Variants in NUP62CL observed in about 807,000 individuals in gnomAD.
NUP62CL encodes nucleoporin 62 C-terminal like.
A neutral mutation model predicts 15.3 loss-of-function variants in NUP62CL; 13 were observed. The observed-to-expected ratio is 0.85, with a 90% confidence interval of 0.55 to 1.35. NUP62CL has a LOEUF of 1.35. Among genes scored for constraint, NUP62CL ranks in the 40% most tolerant of loss-of-function variants. The probability of loss-of-function intolerance (pLI) is 0.00; values close to 1 mark genes in which losing one functional copy is unlikely to be tolerated. For missense variants in NUP62CL, 123 were observed against 130.6 expected (o/e 0.94, Z 0.28); for synonymous variants, 54 against 49.2 (o/e 1.10, Z -0.41).
At chrX:107,163,677 G>C (rs901562816) in intron 4 of NUP62CL, among the ~76,000 whole-genome samples, 3 of 111,583 alleles carry the variant, frequency 2.7e-5, no homozygotes, top group Admixed American at 9.5e-5. Flanking sequence ...AATGTACCAT[G>C]CAAGGTTCAT....
At chrX:107,148,109 A>T (rs1033013021) in intron 7 of NUP62CL, among the ~76,000 whole-genome samples, 2 of 111,690 alleles carry the variant, frequency 1.8e-5, no homozygotes, top group Non-Finnish European at 3.8e-5. Context: ...ATGAATTCAC[A>T]TAAAAAAATT....
chrX:107,194,922 T>C (rs1198797680), intron 1 of NUP62CL, among the ~76,000 whole-genome samples: 1 of 103,034 alleles, frequency 9.7e-6, no homozygotes, highest in Non-Finnish European at 2.0e-5. Flanking sequence ...ATTCAAGCAA[T>C]TCTCCCGCCT....
At chrX:107,164,182 G>A (rs766064247) in intron 4 of NUP62CL, among the ~76,000 whole-genome samples, 5 of 111,571 alleles carry the variant, frequency 4.5e-5, no homozygotes, top group African/African-American at 1.6e-4. Flanking sequence ...TCAAAGTAGC[G>A]ATCAATACAG....
chrX:107,205,823 C>T (rs1312828119), intron 1 of NUP62CL, among the ~76,000 whole-genome samples: 3 of 110,839 alleles, frequency 2.7e-5, no homozygotes, highest in African/African-American at 9.9e-5. Context: ...TGCTTTTCTC[C>T]ACTCCGAGGC....
intron 2 of NUP62CL, among the ~76,000 whole-genome samples, chrX:107,177,386 T>C: frequency 9.0e-6 from 1 of 111,594 alleles, no homozygotes; most frequent in Non-Finnish European, 1.9e-5. Flanking sequence ...TCCCCAAAGA[T>C]GGCCTAATAC....
chrX:107,143,580 C>T lies in NUP62CL; in HGVS notation c.*42+4163G>A, dbSNP rs186982359. On this transcript the variant is annotated intron_variant, in intron 8 of 8. Coordinates refer to ENST00000372466, the MANE Select transcript of NUP62CL (RefSeq NM_017681.3). ...ATGATCTTCTTAGTGCAACAGTTGT[C>T]ATGTTTTATGATGGAAAAAAATGTG... Among the ~76,000 whole-genome samples, 8 of 111,072 alleles carry T rather than the reference C, an allele frequency of 7.2e-5. No homozygotes were observed. In the East Asian group the frequency reaches 2.2e-3, roughly 31 times the overall value.
At chrX:107,177,490 G>A (rs1398933713) in intron 2 of NUP62CL, among the ~76,000 whole-genome samples, 1 of 111,504 alleles carries the variant, frequency 9.0e-6, no homozygotes, top group Non-Finnish European at 1.9e-5. Flanking sequence ...AATTATCCAA[G>A]TGAGAAAATT....
intron 2 of NUP62CL, among the ~76,000 whole-genome samples, chrX:107,187,171 T>C (rs1446282019): frequency 9.0e-6 from 1 of 110,680 alleles, no homozygotes; most frequent in Non-Finnish European, 1.9e-5. Context: ...ATACATCCTA[T>C]CAAAATTTGT....
At chrX:107,135,572 TC>T (rs1250077534) in intron 8 of NUP62CL, among the ~76,000 whole-genome samples, 2 of 111,739 alleles carry the variant, frequency 1.8e-5, no homozygotes, top group Admixed American at 1.9e-4. Context: ...TGAAATGACC[TC>T]GAGTTTGGCT....
Position 107,167,865 on chromosome X carries a change from TG to T in NUP62CL, c.59-82del, listed in dbSNP as rs1014922916. On this transcript the variant is annotated intron_variant, in intron 3 of 8. Transcript: ENST00000372466. ...CCTTGATCATTCAGATTTAAAATTA[TG>T]GAGGCATTTTTAAAAATACAAATTT... 2.0e-5 allele frequency: 18 copies of T among 905,786 alleles called. No homozygotes were observed. The African/African-American group carries it at 3.6e-4, about 18-fold the overall frequency. 74.6% of individuals were successfully genotyped at this position (905,786 alleles called of 1,213,427 possible). A position where few individuals can be genotyped will look rare whatever the true frequency, so the allele number is the denominator to read the frequency against.
chrX:107,136,150 G>GA (rs1925636060), intron 8 of NUP62CL, among the ~76,000 whole-genome samples: 1 of 109,117 alleles, frequency 9.2e-6, no homozygotes, highest in Non-Finnish European at 1.9e-5. Flanking sequence ...AGCTGACTCT[G>GA]AAAAAAATCA....
At chrX:107,166,139 A>T (rs1156575481) in intron 4 of NUP62CL, among the ~76,000 whole-genome samples, 1 of 111,945 alleles carries the variant, frequency 8.9e-6, no homozygotes, top group East Asian at 2.8e-4. Flanking sequence ...CAGTTAAAGA[A>T]TATACTTATG....
chrX:107,193,582 T>C, intron 1 of NUP62CL, among the ~76,000 whole-genome samples: 1 of 111,398 alleles, frequency 9.0e-6, no homozygotes, highest in Non-Finnish European at 1.9e-5. Context: ...CAAGATAAGA[T>C]GTTATCATAA....
Position 107,205,068 on chromosome X carries a change from A to G in NUP62CL, c.-92+1205T>C, listed in dbSNP as rs973248297. On this transcript the variant is annotated intron_variant, in intron 1 of 8. Transcript: ENST00000372466. ...AAAATGTAATGGAAATTATCAGAGT[A>G]TATTGCAAGTAGTAAGTGTTAAGTG... Among the ~76,000 whole-genome samples, 21 of 110,956 alleles carry G rather than the reference A, an allele frequency of 1.9e-4. 1 individual carries two copies. The highest frequency in any genetic ancestry group is 1.9e-5 in the Non-Finnish European group (1 of 53,010).
At chrX:107,135,295 A>C (rs1925614376) in intron 8 of NUP62CL, among the ~76,000 whole-genome samples, 1 of 112,166 alleles carries the variant, frequency 8.9e-6, no homozygotes, top group Non-Finnish European at 1.9e-5. Flanking sequence ...AAAAGAAAAA[A>C]GAAAATAACA....
At chrX:107,154,982 C>T (rs765915879) in intron 4 of NUP62CL, among the ~76,000 whole-genome samples, 5 of 111,946 alleles carry the variant, frequency 4.5e-5, no homozygotes, top group Non-Finnish European at 9.4e-5. Context: ...TAGGCTTCAC[C>T]TCTTGCCTCT....
intron 8 of NUP62CL, among the ~76,000 whole-genome samples, chrX:107,125,170 T>A (rs1925358665): frequency 8.9e-6 from 1 of 112,014 alleles, no homozygotes; most frequent in African/African-American, 3.2e-5. Context: ...TTTATGATGA[T>A]CCAATTCCAC....
At chrX:107,153,827 G>A (rs770375268) in intron 5 of NUP62CL, among the ~76,000 whole-genome samples, 1 of 111,068 alleles carries the variant, frequency 9.0e-6, no homozygotes, top group African/African-American at 3.3e-5. Flanking sequence ...CACACAGTTA[G>A]CTGGGGGTGC....
intron 7 of NUP62CL, chrX:107,151,055 T>C (rs1372306648): frequency 3.4e-6 from 1 of 297,495 alleles, no homozygotes; most frequent in Non-Finnish European, 6.7e-6. Context: ...ACACTACCAA[T>C]TGGATTTGCC....
Sources: gnomAD v4.1 joint callset for allele counts (sites outside exome capture counted in the v4.1 genomes callset) on GRCh38, gnomAD v4.1.1 for gene constraint, MANE v1.5 for transcripts, NCBI Gene and HGNC (gene_info 2026-07-23, HGNC 2026-07-21) for gene names.